The following STK31 variants were observed in gnomAD, a reference collection of about 807,000 sequenced individuals.
STK31 encodes the protein serine/threonine kinase 31, also known as serine/threonine-protein kinase 31.
In STK31, 89 loss-of-function variants were observed where a neutral mutation model predicts 129.7. That is an observed-to-expected ratio of 0.69 (90% confidence interval 0.58 to 0.82). The LOEUF is 0.82. Among genes scored for constraint, STK31 ranks in the 40% least tolerant of loss-of-function variants. The probability of loss-of-function intolerance (pLI) is 0.00; values close to 1 mark genes in which losing one functional copy is unlikely to be tolerated. For missense variants in STK31, 1,187 were observed against 1,176.4 expected (o/e 1.01, Z -0.13); for synonymous variants, 448 against 395.3 (o/e 1.13, Z -1.58).
At position 23,787,353 on chromosome 7, in the gene STK31, C is replaced by T. The variant is rs77815190; in HGVS notation, c.2487+429C>T. Among the ~76,000 whole-genome samples, 544 of 152,204 alleles carry T rather than the reference C, an allele frequency of 3.6e-3. 4 individuals are homozygous for T. Among genetic ancestry groups the T allele is most frequent in the African/African-American group, 0.013 (528 of 41,510 alleles). On this transcript the variant is annotated intron_variant, in intron 20 of 23. Transcript: ENST00000355870. ...TCTTATGGAGTAACACTGTTTCAGT[C>T]TCTTATAGCTACTTTACATGGTTGG... is the stretch of plus-strand genomic sequence containing the variant.
chr7:23,737,112 A>G (rs547909270), intron 8 of STK31, 34 bp downstream of exon 8: 18 of 1,533,106 alleles, frequency 1.2e-5, no homozygotes, highest in East Asian at 2.3e-5. Context: ...AGAGTGTCCA[A>G]CTGGGAAATC....
chr7:23,813,202 G>A (rs745754326), intron 22 of STK31, among the ~76,000 whole-genome samples: 1 of 150,000 alleles, frequency 6.7e-6, no homozygotes, highest in Non-Finnish European at 1.5e-5. Context: ...ATCCCATCCA[G>A]TTTTAAGATT....
rs761390215 is a variant in STK31, at chr7:23,785,508, G to C, written c.2179G>C (p.Glu727Gln). 4 of 1,613,838 alleles carry C rather than the reference G, an allele frequency of 2.5e-6. No individual in the cohort carries two copies. The South Asian group carries it at 4.4e-5, about 18-fold the overall frequency. Residue 727 changes from glutamate (E) to glutamine (Q), a missense_variant, in exon 18 of 24, where the codon GAA becomes CAA. By Grantham distance (29) the Glu-to-Gln change is conservative. Around this residue, in one of 5 missense-constraint regions of STK31, gnomAD observed 975 missense variants for 934.9 expected, o/e 1.04. Coordinates refer to ENST00000355870, the MANE Select transcript of STK31 (RefSeq NM_031414.5). ...NSGGLLTMSLERDLLDAEPMK... is the reference protein window; with the variant it reads ...NSGGLLTMSLQRDLLDAEPMK... ...TGGTGGTCTCCTTACAATGAGCTTGGAACGAGATCTTCTTGATGCTGAGCC... is the reference window on the plus strand; with the variant it reads ...TGGTGGTCTCCTTACAATGAGCTTGCAACGAGATCTTCTTGATGCTGAGCC...
At chr7:23,807,696 C>G (rs1158789031) in intron 22 of STK31, among the ~76,000 whole-genome samples, 1 of 151,888 alleles carries the variant, frequency 6.6e-6, no homozygotes, top group Non-Finnish European at 1.5e-5. Flanking sequence ...CTTTTATTGT[C>G]TCACAGGTTC....
chr7:23,720,961 A>T (rs1786654599), intron 4 of STK31, among the ~76,000 whole-genome samples: 1 of 152,184 alleles, frequency 6.6e-6, no homozygotes, highest in Admixed American at 6.5e-5. Context: ...ACATTATATA[A>T]GCTTGATGAT....
chr7:23,752,717 C>G lies in STK31; in HGVS notation c.1018C>G (p.Gln340Glu). ...AGAATGTGTTTATTCTTTGTTTCAG[C>G]AAGAGAAGGCAGCTGCTGTGGATTT... ...KVEQIAQELQ[Q>E]EKAAAVDLTN... Residue 340 changes from glutamine to glutamate, a missense_variant and splice_region_variant, in exon 9 of 24, where the codon CAA (glutamine) becomes GAA (glutamate). By Grantham distance (29) the Gln-to-Glu change is conservative (BLOSUM62 2). Transcript: ENST00000355870. The G allele has an allele frequency of 1.9e-6, 3 of 1,604,206 alleles. No individual in the cohort carries two copies. Among genetic ancestry groups the G allele is most frequent in the African/African-American group, 1.3e-5 (1 of 74,798 alleles).
intron 23 of STK31, 24 bp downstream of exon 23, chr7:23,815,236 C>T: frequency 1.3e-6 from 2 of 1,521,308 alleles, no homozygotes; most frequent in Non-Finnish European, 1.8e-6. Flanking sequence ...TTGACATTTA[C>T]TGGTTTGAAA....
In STK31 at chr7:23,802,777, G is replaced by T. The variant is rs1409842997; in HGVS notation, c.2760+11831G>T. 3.9e-5 allele frequency among the ~76,000 whole-genome samples: 6 copies of T among 152,206 alleles called. No homozygotes were observed. The East Asian group carries it at 9.6e-4, about 24-fold the overall frequency. ...GATCCACCTGCCTTGGCCTCTCAAAGTGCTGGGATTACAGGAGTGAGCCAC... is the reference window on the plus strand; with the variant it reads ...GATCCACCTGCCTTGGCCTCTCAAATTGCTGGGATTACAGGAGTGAGCCAC... On this transcript the variant is annotated intron_variant, in intron 22 of 23. Transcript: ENST00000355870.
chr7:23,760,671 T>C (rs1789409473), intron 10 of STK31, among the ~76,000 whole-genome samples: 1 of 152,110 alleles, frequency 6.6e-6, no homozygotes, highest in African/African-American at 2.4e-5. Context: ...AAATTACTCT[T>C]TTTTTTGAGG....
At chr7:23,804,202 A>C (rs1053845494) in intron 22 of STK31, among the ~76,000 whole-genome samples, 9 of 152,114 alleles carry the variant, frequency 5.9e-5, no homozygotes, top group African/African-American at 2.2e-4. Flanking sequence ...ACAGGCATGA[A>C]CTACCACGTC....
intron 15 of STK31, among the ~76,000 whole-genome samples, chr7:23,774,491 G>A (rs1029217229): frequency 2.6e-5 from 4 of 152,258 alleles, no homozygotes; most frequent in East Asian, 3.9e-4. Context: ...GTATGAGATC[G>A]TATCTCACTG....
rs536424681 is a variant in STK31 at position 23,776,698 on chromosome 7, G to A, written c.1965+4420G>A. Reference sequence around the variant, plus strand: ...GATATCCCCTTTATCATTTTTTATTGTGTCTATTTGATTCTTCTTTATTAG... The same window carrying A: ...GATATCCCCTTTATCATTTTTTATTATGTCTATTTGATTCTTCTTTATTAG... On this transcript the variant is annotated intron_variant, in intron 15 of 23. Coordinates refer to ENST00000355870, the MANE Select transcript of STK31 (RefSeq NM_031414.5). 5.9e-5 allele frequency among the ~76,000 whole-genome samples: 9 copies of A among 151,998 alleles called. No individual in the cohort carries two copies. In the South Asian group the frequency reaches 1.9e-3, roughly 32 times the overall value.
chr7:23,717,097 CTTTTTTTTTTT>C (rs70956911), intron 3 of STK31, among the ~76,000 whole-genome samples: 2 of 42,936 alleles, frequency 4.7e-5, no homozygotes, highest in Admixed American at 3.1e-4. Context: ...TCGCAACCTG[CTTTTTTTTTTT>C]TTTTTTTTTT....
At chr7:23,773,087 C>T (rs372460894) in intron 15 of STK31, among the ~76,000 whole-genome samples, 2 of 152,002 alleles carry the variant, frequency 1.3e-5, no homozygotes, top group African/African-American at 4.8e-5. Context: ...GATACATGTG[C>T]AGAATGTGCA....
At chr7:23,798,473 CACATAA>C (rs1475775442) in intron 22 of STK31, among the ~76,000 whole-genome samples, 3 of 112,786 alleles carry the variant, frequency 2.7e-5, no homozygotes, top group African/African-American at 9.4e-5. Flanking sequence ...CATAATGCAT[CACATAA>C]ACAGAACCAA....
chr7:23,816,438 A>C (rs80153731), intron 23 of STK31, among the ~76,000 whole-genome samples: 4,540 of 152,370 alleles, frequency 0.03, 86 homozygotes, highest in Middle Eastern at 0.048. Flanking sequence ...GTGAGTCAGG[A>C]ATCTGGACAC....
intron 12 of STK31, among the ~76,000 whole-genome samples, chr7:23,769,409 T>G (rs1239016623): frequency 6.6e-6 from 1 of 152,178 alleles, no homozygotes; most frequent in Non-Finnish European, 1.5e-5. Context: ...TCCTAAGGAT[T>G]GTCCTCTTTC....
chr7:23,719,355 A>T (rs1335132109), intron 4 of STK31, among the ~76,000 whole-genome samples: 1 of 152,012 alleles, frequency 6.6e-6, no homozygotes, highest in Non-Finnish European at 1.5e-5. Context: ...CCTCAACAAA[A>T]ACTCCCTCCT....
At chr7:23,738,665 T>C (rs1006589835) in intron 8 of STK31, among the ~76,000 whole-genome samples, 1 of 152,084 alleles carries the variant, frequency 6.6e-6, no homozygotes, top group African/African-American at 2.4e-5. Context: ...CAAGCGATTC[T>C]CCTGCCTCAG....
Sources: gnomAD v4.1 joint callset for allele counts (sites outside exome capture counted in the v4.1 genomes callset) on GRCh38, gnomAD v4.1.1 for gene constraint, gnomAD v4.1.1 regional missense constraint, MANE v1.5 for transcripts, NCBI Gene and HGNC (gene_info 2026-07-23, HGNC 2026-07-21) for gene names.